Variants in TIAM1 observed in about 807,000 individuals in gnomAD.
TIAM1 encodes rho guanine nucleotide exchange factor TIAM1.
A neutral mutation model predicts 163.5 loss-of-function variants in TIAM1; 65 were observed. The ratio of observed to expected loss-of-function variants is 0.40; its 90% CI spans 0.33 to 0.49. The LOEUF is 0.49. Ranked by LOEUF, TIAM1 falls within the 20% of genes least tolerant of loss-of-function variation. TIAM1 has a pLI of 0.77. For missense variants in TIAM1, 1,789 were observed against 2,044.7 expected (o/e 0.87, Z 2.41); for synonymous variants, 833 against 810.1 (o/e 1.03, Z -0.48).
intron 6 of TIAM1, among the ~76,000 whole-genome samples, chr21:31,243,861 T>C (rs2071353763): frequency 6.6e-6 from 1 of 152,162 alleles, no homozygotes; most frequent in Non-Finnish European, 1.5e-5. Context: ...CAATTAAGAA[T>C]TCTATATCCA....
chr21:31,350,658 C>G (rs2076219687), intron 2 of TIAM1, among the ~76,000 whole-genome samples: 1 of 152,196 alleles, frequency 6.6e-6, no homozygotes, highest in Non-Finnish European at 1.5e-5. Context: ...TCTGCTCCTG[C>G]TTCTCTTTCT....
At chr21:31,144,435 G>A (rs1007255407) in intron 20 of TIAM1, among the ~76,000 whole-genome samples, 9 of 152,218 alleles carry the variant, frequency 5.9e-5, no homozygotes, top group East Asian at 1.9e-4. Context: ...GTCCAGGAGC[G>A]TCACTCCTCC....
chr21:31,500,682 G>C (rs1320247165), intron 1 of TIAM1, among the ~76,000 whole-genome samples: 1 of 152,130 alleles, frequency 6.6e-6, no homozygotes, highest in Non-Finnish European at 1.5e-5. Context: ...CAGGGATGAT[G>C]GAGGCACAAA....
At chr21:31,245,700 C>T in intron 5 of TIAM1, 40 bp from the exon 6 acceptor site, 2 of 1,397,330 alleles carry the variant, frequency 1.4e-6, no homozygotes, top group Non-Finnish European at 1.9e-6. Context: ...GTATTCAGTG[C>T]TTGGGAAACA....
intron 2 of TIAM1, among the ~76,000 whole-genome samples, chr21:31,372,360 C>A (rs2076609827): frequency 6.6e-6 from 1 of 152,160 alleles, no homozygotes; most frequent in South Asian, 2.1e-4. Context: ...ATTAATTAGT[C>A]TGACTCATAA....
chr21:31,387,192 TCTC>T (rs1414926301), intron 2 of TIAM1, among the ~76,000 whole-genome samples: 3 of 110,496 alleles, frequency 2.7e-5, no homozygotes, highest in Admixed American at 2.1e-4. Flanking sequence ...AGAAGCTTAT[TCTC>T]TTTTTTTTTT....
intron 2 of TIAM1, among the ~76,000 whole-genome samples, chr21:31,360,350 T>C (rs1212225525): frequency 6.6e-6 from 1 of 152,094 alleles, no homozygotes; most frequent in African/African-American, 2.4e-5. Flanking sequence ...CTATATATTA[T>C]AATCCAGTAG....
chr21:31,131,517 T>C (rs941662427), intron 23 of TIAM1, among the ~76,000 whole-genome samples: 1 of 152,210 alleles, frequency 6.6e-6, no homozygotes, highest in Non-Finnish European at 1.5e-5. Flanking sequence ...TGTAGTTTCA[T>C]TCTTATATTC....
rs148198673 is a variant in TIAM1 at position 31,497,165 on chromosome 21, A to C, written c.-421-33130T>G. Among the ~76,000 whole-genome samples the C allele has an allele frequency of 3.2e-3, 481 of 152,298 alleles. 4 individuals carry two copies. The highest frequency in any genetic ancestry group is 0.011 in the African/African-American group (457 of 41,564). On this transcript the variant is annotated intron_variant, in intron 1 of 28. Coordinates refer to the TIAM1 transcript ENST00000286827. The stretch of plus-strand genomic sequence containing the variant: ...CTATCATCCAGCGTAGGTGTGTTGT[A>C]GGGTATACCATCTAGGTTTAGGAAA...
rs753467079 is a variant in TIAM1, at chr21:31,130,255, T to C, written c.4003A>G (p.Ile1335Val). The C allele has an allele frequency of 6.2e-7, 1 of 1,614,072 alleles. No individual in the cohort carries two copies. The highest frequency in any genetic ancestry group is 1.7e-5 in the Admixed American group (1 of 60,002). ...CGAACCTGCAGCGCTTCCGTGGGGA[T>C]CATGTGTCGAAATCTGAAGGGGTCC... is the stretch of plus-strand genomic sequence containing the variant. Reference protein sequence around the residue: ...DWDPFRFRHMIPTEALQVRAL... With the variant: ...DWDPFRFRHMVPTEALQVRAL... Residue 1335 changes from isoleucine (I) to valine (V), a missense_variant, in exon 25 of 28, where the codon ATC (isoleucine) becomes GTC (valine). Ile to Val is a conservative substitution (Grantham distance 29, BLOSUM62 3). Coordinates refer to ENST00000541036, the MANE Select transcript of TIAM1 (RefSeq NM_001353694.2).
chr21:31,385,864 A>G (rs938489785), intron 2 of TIAM1, among the ~76,000 whole-genome samples: 1 of 112,974 alleles, frequency 8.9e-6, no homozygotes, highest in Non-Finnish European at 1.9e-5. Flanking sequence ...CATATTGATT[A>G]TATATTAATT....
chr21:31,309,441 G>C (rs946231112), intron 2 of TIAM1, among the ~76,000 whole-genome samples: 1 of 152,230 alleles, frequency 6.6e-6, no homozygotes, highest in African/African-American at 2.4e-5. Flanking sequence ...CTGGGCGACA[G>C]AGTGAGACTC....
chr21:31,265,083 C>T (rs538398364), intron 4 of TIAM1, among the ~76,000 whole-genome samples: 2 of 152,214 alleles, frequency 1.3e-5, no homozygotes, highest in South Asian at 4.1e-4. Context: ...CTCAAAGCAT[C>T]CCCCTGCGTC....
At chr21:31,171,451 C>T (rs1300216801) in intron 15 of TIAM1, among the ~76,000 whole-genome samples, 1 of 152,176 alleles carries the variant, frequency 6.6e-6, no homozygotes, top group East Asian at 1.9e-4. Flanking sequence ...TAAAAGTTAT[C>T]TTCAATACAT....
chr21:31,296,899 A>G (rs565908632), intron 2 of TIAM1, among the ~76,000 whole-genome samples: 20 of 152,264 alleles, frequency 1.3e-4, no homozygotes, highest in African/African-American at 3.9e-4. Context: ...TCCTGACCTC[A>G]TAATCCGCCC....
At chr21:31,245,833 G>C (rs1308941917) in intron 5 of TIAM1, among the ~76,000 whole-genome samples, 173 bp from the exon 6 acceptor site, 2 of 152,214 alleles carry the variant, frequency 1.3e-5, no homozygotes, top group African/African-American at 4.8e-5. Context: ...TGGGCCTAAA[G>C]AAGGACAAAG....
In TIAM1 at chr21:31,523,917, C is replaced by CAA. The variant is rs376067896; in HGVS notation, c.-422+35008_-422+35009dup. Among the ~76,000 whole-genome samples, 45 of 92,224 alleles carry CAA rather than the reference C, an allele frequency of 4.9e-4. 1 individual carries two copies. Among genetic ancestry groups the CAA allele is most frequent in the East Asian group, 3.8e-3 (12 of 3,192 alleles). The allele number at this position is 92,224 out of a possible 152,430, so 60.5% of individuals were successfully genotyped here. ...TGGGTGACAGAGCCAGATTCCATCT[C>CAA]AAAAAAAAAAAAAAAAATAGTATGT... On this transcript the variant is annotated intron_variant, in intron 1 of 28. Transcript: ENST00000286827.
chr21:31,458,852 G>A (rs540241912), intron 2 of TIAM1, among the ~76,000 whole-genome samples: 1 of 152,304 alleles, frequency 6.6e-6, no homozygotes, highest in African/African-American at 2.4e-5. Flanking sequence ...CCTGAAGGAA[G>A]TGAATGGCTA....
intron 14 of TIAM1, among the ~76,000 whole-genome samples, chr21:31,183,896 T>C (rs2146446602): frequency 6.6e-6 from 1 of 151,820 alleles, no homozygotes; most frequent in East Asian, 2.0e-4. Context: ...GGTTTCACCA[T>C]GTTGGCCAGG....
Sources: allele counts gnomAD v4.1 joint callset (sites outside exome capture counted in the v4.1 genomes callset), GRCh38; gene constraint gnomAD v4.1.1; transcripts MANE v1.5; gene names NCBI Gene and HGNC (gene_info 2026-07-23, HGNC 2026-07-21).